COA1: variants seen among roughly 807,000 people sequenced by gnomAD.
COA1 encodes cytochrome c oxidase assembly factor 1.
Under a neutral mutation model 16.0 loss-of-function variants are expected in COA1, and 13 were observed. The ratio of observed to expected loss-of-function variants is 0.81; its 90% CI spans 0.53 to 1.29. COA1 has a LOEUF of 1.29. COA1 is among the 50% of genes most tolerant of loss of function. COA1 has a pLI of 0.00. For missense variants in COA1, 179 were observed against 177.0 expected, an observed-to-expected ratio of 1.01 and a Z score of -0.06; for synonymous variants, 65 against 65.7, an observed-to-expected ratio of 0.99 and a Z score of 0.05.
At chr7:43,652,826 T>C (rs1018237504) in intron 1 of COA1, among the ~76,000 whole-genome samples, 4 of 150,720 alleles carry the variant, frequency 2.7e-5, no homozygotes, top group African/African-American at 7.3e-5. Flanking sequence ...ACTCTGGGGA[T>C]TACATATCAT....
chr7:43,727,922 TG>T (rs1444300720), intron 1 of COA1, among the ~76,000 whole-genome samples: 1 of 152,270 alleles, frequency 6.6e-6, no homozygotes, highest in East Asian at 1.9e-4. Flanking sequence ...TTTATGATGA[TG>T]GTTGTACAAC....
chr7:43,715,477 C>CA (rs111522661), intron 1 of COA1, among the ~76,000 whole-genome samples: 4,432 of 128,648 alleles, frequency 0.034, 89 homozygotes, highest in East Asian at 0.088. Context: ...GACTCTATCT[C>CA]AAAAAAAAAA....
At chr7:43,618,239 G>C (rs1010091567) in intron 6 of COA1, among the ~76,000 whole-genome samples, 1 of 152,210 alleles carries the variant, frequency 6.6e-6, no homozygotes, top group East Asian at 1.9e-4. Context: ...GGAAGGAGCA[G>C]GGGAGGCCAG....
At chr7:43,638,243 T>C (rs916614131), downstream of COA1, among the ~76,000 whole-genome samples, 2 of 150,160 alleles carry the variant, frequency 1.3e-5, no homozygotes, top group African/African-American at 4.9e-5. Flanking sequence ...TTTTTTTTCC[T>C]GAGAGGCTTC....
At chr7:43,648,526 T>C (rs1584380054) in intron 2 of COA1, 74 bp downstream of exon 2, 1 of 1,508,902 alleles carries the variant, frequency 6.6e-7, no homozygotes, top group Non-Finnish European at 9.2e-7. Flanking sequence ...AGGGAGTGAC[T>C]TTCTTCTATT....
chr7:43,672,531 G>A (rs1452210106), intron 1 of COA1, among the ~76,000 whole-genome samples: 1 of 152,168 alleles, frequency 6.6e-6, no homozygotes, highest in Non-Finnish European at 1.5e-5. Context: ...CAACACTTTG[G>A]GAGGCCAAGG....
chr7:43,614,111 T>G (rs2083125494), intron 6 of COA1, among the ~76,000 whole-genome samples: 1 of 152,244 alleles, frequency 6.6e-6, no homozygotes, highest in Non-Finnish European at 1.5e-5. Flanking sequence ...CATGACACCC[T>G]AAGCCTTATT....
chr7:43,614,085 T>TCCTTAAAACCCTGCCCATGACACCCTAAG (rs1325044835), intron 6 of COA1, among the ~76,000 whole-genome samples: 3 of 152,182 alleles, frequency 2.0e-5, no homozygotes, highest in Non-Finnish European at 4.4e-5. Context: ...GATAAAATGT[T>TCCTTAAAACCCTGCCCATGACACCCTAAG]CCTTAAAACC....
At chr7:43,690,349 A>G (rs1487299297) in intron 1 of COA1, among the ~76,000 whole-genome samples, 1 of 152,208 alleles carries the variant, frequency 6.6e-6, no homozygotes, top group Non-Finnish European at 1.5e-5. Flanking sequence ...AAACTATGGA[A>G]CCAGCCCAAA....
chr7:43,706,503 T>C lies in COA1; in HGVS notation c.-39+22926A>G, dbSNP rs10275094. Among the ~76,000 whole-genome samples the C allele has an allele frequency of 5.0e-3, 751 of 149,912 alleles. 6 individuals carry two copies. Among genetic ancestry groups the C allele is most frequent in the African/African-American group, 0.017 (710 of 40,726 alleles). Reference sequence around the variant, plus strand: ...CGGAGGCTGCAGTGAGCCGAGATCATGGCACTGTACTCCAGCCTGGGTAAC... The same window carrying C: ...CGGAGGCTGCAGTGAGCCGAGATCACGGCACTGTACTCCAGCCTGGGTAAC... On this transcript the variant is annotated intron_variant, in intron 1 of 5. Coordinates refer to ENST00000223336, the MANE Select transcript of COA1 (RefSeq NM_018224.4).
intron 6 of COA1, among the ~76,000 whole-genome samples, chr7:43,630,756 A>G (rs192126763): frequency 4.6e-5 from 7 of 152,364 alleles, no homozygotes; most frequent in Admixed American, 2.0e-4. Context: ...TGCACAATGT[A>G]TATCATTTTA....
chr7:43,658,008 G>T (rs1255280806), intron 1 of COA1, among the ~76,000 whole-genome samples: 1 of 152,042 alleles, frequency 6.6e-6, no homozygotes, highest in Non-Finnish European at 1.5e-5. Flanking sequence ...CTGAGAGACA[G>T]AGTATGACTC....
intron 1 of COA1, among the ~76,000 whole-genome samples, chr7:43,697,574 G>A (rs968924439): frequency 5.9e-5 from 9 of 152,110 alleles, no homozygotes; most frequent in Admixed American, 2.0e-4. Flanking sequence ...ATGAGCCACC[G>A]CACCCAGCTG....
chr7:43,616,604 GA>G (rs1450895139), intron 6 of COA1, among the ~76,000 whole-genome samples: 4 of 152,150 alleles, frequency 2.6e-5, no homozygotes, highest in Admixed American at 2.0e-4. Context: ...TTTTTAAAAA[GA>G]GGGACCGTCT....
intron 1 of COA1, among the ~76,000 whole-genome samples, chr7:43,694,319 ACTC>A (rs1165659603): frequency 2.7e-5 from 4 of 150,246 alleles, no homozygotes; most frequent in African/African-American, 9.8e-5. Context: ...CCATTTCTCT[ACTC>A]CTCTTTGGAA....
At chr7:43,658,411 T>G (rs1306927652) in intron 1 of COA1, among the ~76,000 whole-genome samples, 2 of 151,962 alleles carry the variant, frequency 1.3e-5, no homozygotes, top group African/African-American at 4.8e-5. Context: ...TGATAAAATG[T>G]CATCTGAGAA....
At chr7:43,669,978 T>C (rs914070698) in intron 1 of COA1, among the ~76,000 whole-genome samples, 4 of 152,012 alleles carry the variant, frequency 2.6e-5, no homozygotes, top group Non-Finnish European at 5.9e-5. Context: ...TGAGGTTAAG[T>C]ACCAAATAGA....
intron 1 of COA1, among the ~76,000 whole-genome samples, chr7:43,701,274 T>C (rs1304806021): frequency 6.6e-6 from 1 of 152,096 alleles, no homozygotes; most frequent in Non-Finnish European, 1.5e-5. Context: ...CATCCTCAAA[T>C]CCTCCATCAA....
chr7:43,714,253 TAA>T (rs753536853), intron 1 of COA1, among the ~76,000 whole-genome samples: 11 of 152,154 alleles, frequency 7.2e-5, no homozygotes, highest in African/African-American at 9.7e-5. Flanking sequence ...ACTAAAACTT[TAA>T]AAGATTTTCT....
Sources: allele counts gnomAD v4.1 joint callset (sites outside exome capture counted in the v4.1 genomes callset), GRCh38; gene constraint gnomAD v4.1.1; transcripts MANE v1.5; gene names NCBI Gene and HGNC (gene_info 2026-07-23, HGNC 2026-07-21).